Variants in RGS12 observed in about 807,000 individuals in gnomAD.
RGS12 encodes regulator of G-protein signaling 12.
Under a neutral mutation model 120.1 loss-of-function variants are expected in RGS12, and 66 were observed. The ratio of observed to expected loss-of-function variants is 0.55; its 90% CI spans 0.45 to 0.67. The LOEUF (loss-of-function observed/expected upper bound fraction) is 0.67. Among genes scored for constraint, RGS12 ranks in the 30% least tolerant of loss-of-function variants. The pLI, the probability that RGS12 is intolerant of heterozygous loss-of-function variation, is 0.00. For synonymous variants in RGS12, 827 were observed against 804.7 expected (o/e 1.03, Z -0.47); for missense variants, 1,859 against 1,957.7 (o/e 0.95, Z 0.95).
In RGS12 at chr4:3,410,342, C is replaced by T. The variant is rs185086339; in HGVS notation, c.2021-3730C>T. Among the ~76,000 whole-genome samples, 95 of 152,326 alleles carry T rather than the reference C, an allele frequency of 6.2e-4. 4 individuals carry two copies. In the South Asian group the frequency reaches 0.013, roughly 22 times the overall value. Reference sequence around the variant, plus strand: ...GCCCAGGCTGGTCTTAAACTCTTGGCCTCAAGTGATCATCCAGCCTGCATG... The same window carrying T: ...GCCCAGGCTGGTCTTAAACTCTTGGTCTCAAGTGATCATCCAGCCTGCATG... On this transcript the variant is annotated intron_variant, in intron 4 of 17. Transcript: ENST00000336727.
chr4:3,399,227 C>T (rs532395989), intron 4 of RGS12, among the ~76,000 whole-genome samples: 58 of 151,338 alleles, frequency 3.8e-4, no homozygotes, highest in East Asian at 1.4e-3. Flanking sequence ...GAAGCAAGTA[C>T]GGAAAAAAGG....
chr4:3,405,022 A>G (rs779052365), intron 4 of RGS12, among the ~76,000 whole-genome samples: 15 of 152,258 alleles, frequency 9.9e-5, no homozygotes, highest in Non-Finnish European at 2.2e-4. Flanking sequence ...AAAGGTGTTC[A>G]TGGGGTATGA....
At chr4:3,371,188 C>T (rs532520598) in intron 3 of RGS12, among the ~76,000 whole-genome samples, 85 of 152,268 alleles carry the variant, frequency 5.6e-4, no homozygotes, top group Non-Finnish European at 7.1e-4. Flanking sequence ...TGAAATCAAC[C>T]GGCTTTCTGT....
intron 2 of RGS12, among the ~76,000 whole-genome samples, chr4:3,335,694 C>T (rs75821445): frequency 0.038 from 5,813 of 152,172 alleles, 292 homozygotes; most frequent in African/African-American, 0.12. Context: ...ACCTGTAATC[C>T]GAGCATATTG....
chr4:3,417,877 T>C (rs1463324216), intron 9 of RGS12: 3 of 237,158 alleles, frequency 1.3e-5, no homozygotes, highest in East Asian at 8.5e-5. Flanking sequence ...ATAGGTGTTT[T>C]TGGTAGAAAA....
intron 3 of RGS12, among the ~76,000 whole-genome samples, chr4:3,343,793 C>T (rs551394139): frequency 1.6e-4 from 25 of 152,166 alleles, no homozygotes; most frequent in African/African-American, 6.0e-4. Flanking sequence ...ACCACTGATC[C>T]TTTGACTGTC....
chr4:3,286,429 G>A, the RGS12 span, among the ~76,000 whole-genome samples: 7 of 152,346 alleles, frequency 4.6e-5, 1 homozygote, highest in African/African-American at 1.7e-4. Context: ...TACATAAAAA[G>A]CAGCTTCTGT....
chr4:3,335,216 C>T (rs954490613), intron 2 of RGS12, among the ~76,000 whole-genome samples: 1 of 152,142 alleles, frequency 6.6e-6, no homozygotes, highest in African/African-American at 2.4e-5. Flanking sequence ...CATTTTTCTC[C>T]TTCCTTTCAC....
intron 9 of RGS12, chr4:3,419,348 T>C (rs1722752120): frequency 6.8e-6 from 1 of 146,434 alleles, no homozygotes. Flanking sequence ...AAAAAAAAAT[T>C]AGCTGGGTGT....
In RGS12 at chr4:3,439,673, A is replaced by ACCTTCGTCTGAGCTGCCCTGG. The variant is rs1265933716; in HGVS notation, c.4337_*13dup. 1.3e-6 allele frequency: 2 copies of ACCTTCGTCTGAGCTGCCCTGG among 1,531,514 alleles called. No individual in the cohort carries two copies. Among genetic ancestry groups the ACCTTCGTCTGAGCTGCCCTGG allele is most frequent in the Non-Finnish European group, 1.8e-6 (2 of 1,138,646 alleles). The allele number at this position is 1,531,514 out of a possible 1,614,324, so 94.9% of individuals were successfully genotyped here. A position where few individuals can be genotyped will look rare whatever the true frequency, so the allele number is the denominator to read the frequency against. ...GCCCAAGACCAGCGCTCACCACGCC[A>ACCTTCGTCTGAGCTGCCCTGG]CCTTCGTCTGAGCTGCCCTGGCCTG... On this transcript the variant is annotated stop_gained and inframe_insertion, in exon 18 of 18. Transcript: ENST00000336727. LOFTEE classifies it high-confidence loss of function.
chr4:3,288,651 A>C (rs914408698), upstream of RGS12, among the ~76,000 whole-genome samples: 2 of 152,096 alleles, frequency 1.3e-5, no homozygotes, highest in African/African-American at 4.8e-5. The surrounding 1 kb of genome is among the most constrained non-coding windows in gnomAD (Gnocchi z 5.2). Flanking sequence ...GGACGTATGG[A>C]CCCTGGCATG....
chr4:3,350,658 G>A (rs1714263837), intron 3 of RGS12, among the ~76,000 whole-genome samples: 1 of 151,870 alleles, frequency 6.6e-6, no homozygotes, highest in African/African-American at 2.4e-5. Context: ...CCCCAGCCTG[G>A]GTGACAGAGA....
At chr4:3,373,649 C>T (rs1215317089) in intron 3 of RGS12, among the ~76,000 whole-genome samples, 1 of 152,230 alleles carries the variant, frequency 6.6e-6, no homozygotes, top group African/African-American at 2.4e-5. Flanking sequence ...GCGTGCACAC[C>T]CTGTGTGCTG....
At chr4:3,387,743 T>G (rs899663991) in intron 4 of RGS12, among the ~76,000 whole-genome samples, 2 of 152,248 alleles carry the variant, frequency 1.3e-5, no homozygotes, top group Non-Finnish European at 2.9e-5. Flanking sequence ...CTGTTCATGC[T>G]TTCTCTTTCT....
At chr4:3,413,026 G>A (rs1434248806) in intron 4 of RGS12, 11 of 111,436 alleles carry the variant, frequency 9.9e-5, no homozygotes, top group Non-Finnish European at 1.7e-4. Context: ...GGACGGGGGC[G>A]CCCCCACACT....
chr4:3,397,799 G>T (rs1392640239), intron 4 of RGS12, among the ~76,000 whole-genome samples: 1 of 152,236 alleles, frequency 6.6e-6, no homozygotes, highest in Non-Finnish European at 1.5e-5. Context: ...GAAACTCATT[G>T]GCTTGGTAAA....
intron 2 of RGS12, among the ~76,000 whole-genome samples, chr4:3,337,931 C>G (rs1261077775): frequency 6.6e-6 from 1 of 152,180 alleles, no homozygotes; most frequent in Non-Finnish European, 1.5e-5. Flanking sequence ...TGTCTCAGGT[C>G]AGCCATGAGC....
intron 1 of RGS12, among the ~76,000 whole-genome samples, chr4:3,293,772 GC>G (rs1723192961): frequency 6.6e-6 from 1 of 151,746 alleles, no homozygotes; most frequent in Non-Finnish European, 1.5e-5. Context: ...CAGAGAGGGG[GC>G]CCAGAGCTGT....
intron 4 of RGS12, among the ~76,000 whole-genome samples, chr4:3,393,061 C>A (rs1299888637): frequency 4.6e-5 from 7 of 152,202 alleles, no homozygotes; most frequent in African/African-American, 1.4e-4. Context: ...GTGCTATCAT[C>A]TCTGTCTTTC....
Sources: gnomAD v4.1 joint callset for allele counts (sites outside exome capture counted in the v4.1 genomes callset) on GRCh38, gnomAD v4.1.1 for gene constraint, Gnocchi (gnomAD v3.1) non-coding constraint, MANE v1.5 for transcripts, NCBI Gene and HGNC (gene_info 2026-07-23, HGNC 2026-07-21) for gene names.